Variants in ANK2 observed in about 807,000 individuals in gnomAD.
ANK2 encodes ankyrin 2, also known as ankyrin-2.
In ANK2, 83 loss-of-function variants were observed where a neutral mutation model predicts 360.5. The observed-to-expected ratio is 0.23, with a 90% CI of 0.19 to 0.28. ANK2 has a LOEUF of 0.28. ANK2 is among the 10% of genes least tolerant of loss of function. The pLI is 1.00. For missense variants in ANK2, 4,201 were observed against 4,795.7 expected (o/e 0.88, Z 3.66); for synonymous variants, 1,740 against 1,759.5 (o/e 0.99, Z 0.28).
chr4:113,105,337 T>C (rs1452452926), intron 1 of ANK2, among the ~76,000 whole-genome samples: 1 of 151,974 alleles, frequency 6.6e-6, no homozygotes, highest in Non-Finnish European at 1.5e-5. Flanking sequence ...TATCAAGTGG[T>C]GAGGATAGGA....
intron 1 of ANK2, among the ~76,000 whole-genome samples, chr4:112,832,496 A>G (rs924007727): frequency 1.3e-5 from 2 of 152,244 alleles, no homozygotes; most frequent in African/African-American, 4.8e-5. Context: ...TTGTTTCTTC[A>G]TATTGTATAC....
At chr4:113,188,369 C>T (rs959280708) in intron 2 of ANK2, among the ~76,000 whole-genome samples, 1 of 152,118 alleles carries the variant, frequency 6.6e-6, no homozygotes, top group Non-Finnish European at 1.5e-5. Context: ...CTTAAGCATC[C>T]ACTCTGCTTT....
chr4:113,183,945 A>C (rs1052233221), intron 2 of ANK2, among the ~76,000 whole-genome samples: 1 of 150,072 alleles, frequency 6.7e-6, no homozygotes, highest in African/African-American at 2.5e-5. Flanking sequence ...GAGGAAGAAA[A>C]ATAGTTTAAA....
chr4:113,310,681 G>A (rs1391138044), intron 23 of ANK2, among the ~76,000 whole-genome samples: 1 of 152,086 alleles, frequency 6.6e-6, no homozygotes, highest in Non-Finnish European at 1.5e-5. Flanking sequence ...CCTCCCAAAG[G>A]GTTGGGATTA....
intron 2 of ANK2, among the ~76,000 whole-genome samples, chr4:113,193,789 TTCTC>T (rs1381346511): frequency 1.3e-5 from 2 of 152,334 alleles, no homozygotes; most frequent in African/African-American, 2.4e-5. Flanking sequence ...TGTGCCCATT[TTCTC>T]TCTATCTCTT....
At chr4:113,341,487 T>C (rs1299904339) in intron 32 of ANK2, among the ~76,000 whole-genome samples, 1 of 152,180 alleles carries the variant, frequency 6.6e-6, no homozygotes, top group Non-Finnish European at 1.5e-5. Flanking sequence ...TCCCTTCTGC[T>C]TTCCCTTCTT....
the ANK2 span, among the ~76,000 whole-genome samples, chr4:112,749,585 A>C: frequency 1.3e-5 from 2 of 152,144 alleles, no homozygotes; most frequent in African/African-American, 4.8e-5. Flanking sequence ...TCTCCTACTG[A>C]ATAGTTACTG....
rs1243070168 is a variant in ANK2 at position 113,027,929 on chromosome 4, C to T, written c.21+123415C>T. 5.9e-5 allele frequency among the ~76,000 whole-genome samples: 9 copies of T among 151,916 alleles called. No individual in the cohort carries two copies. In the South Asian group the frequency reaches 8.3e-4, roughly 14 times the overall value. ...TAACATGGTGACATAATTTTGTTTA[C>T]GTTAAAAATAGCAAAATAAGATGGT... is the stretch of plus-strand genomic sequence containing the variant. On this transcript the variant is annotated intron_variant, in intron 2 of 30. Transcript: ENST00000503271.
intron 1 of ANK2, among the ~76,000 whole-genome samples, chr4:112,819,326 A>T (rs922349803): frequency 6.6e-6 from 1 of 152,196 alleles, no homozygotes; most frequent in Non-Finnish European, 1.5e-5. Flanking sequence ...TAGGCAAATA[A>T]TTAGGCTATG....
At position 113,269,414 on chromosome 4, in the gene ANK2, G is replaced by A. The variant is rs563010741; in HGVS notation, c.1485+4419G>A. On this transcript the variant is annotated intron_variant, in intron 14 of 45. Transcript: ENST00000357077. ...CAGGGCCCTGGTGATGTAGGCACCC[G>A]AGGGAACCTCCTGGTCTGCAGGTTG... Among the ~76,000 whole-genome samples the A allele has an allele frequency of 2.0e-5, 3 of 152,364 alleles. No homozygotes were observed. In the East Asian group the frequency reaches 5.8e-4, roughly 29 times the overall value.
intron 2 of ANK2, among the ~76,000 whole-genome samples, chr4:112,919,576 A>T (rs1440984309): frequency 6.6e-6 from 1 of 152,134 alleles, no homozygotes; most frequent in Non-Finnish European, 1.5e-5. Flanking sequence ...AACTTTCAAT[A>T]TTCTCTTTAT....
intron 2 of ANK2, among the ~76,000 whole-genome samples, chr4:112,943,864 C>A (rs1031239414): frequency 2.0e-5 from 3 of 152,060 alleles, no homozygotes; most frequent in African/African-American, 7.2e-5. Flanking sequence ...TATCTTCTGG[C>A]ACTCTTGTTA....
rs544146540 is a variant in ANK2, at chr4:113,151,803, C to T, written c.85-22613C>T. 2.6e-5 allele frequency among the ~76,000 whole-genome samples: 4 copies of T among 151,662 alleles called. No individual in the cohort carries two copies. The East Asian group carries it at 7.7e-4, about 29-fold the overall frequency. ...AAGGTAGGCTGGGCACCATGGCTCACACCTGTAATCTCAGCACTTTGGGAG... is the reference window on the plus strand; with the variant it reads ...AAGGTAGGCTGGGCACCATGGCTCATACCTGTAATCTCAGCACTTTGGGAG... On this transcript the variant is annotated intron_variant, in intron 1 of 45. Coordinates refer to ENST00000357077, the MANE Select transcript of ANK2 (RefSeq NM_001148.6).
chr4:113,264,705 A>G (rs1174774087), intron 13 of ANK2, among the ~76,000 whole-genome samples, 192 bp from the exon 14 acceptor site: 1 of 138,276 alleles, frequency 7.2e-6, no homozygotes, highest in African/African-American at 2.7e-5. Context: ...CTGAGCAACA[A>G]GAGTGAAACT....
At chr4:113,266,776 C>T (rs2056279040) in intron 14 of ANK2, among the ~76,000 whole-genome samples, 1 of 152,150 alleles carries the variant, frequency 6.6e-6, no homozygotes, top group South Asian at 2.1e-4. Context: ...GCTCAGGTGG[C>T]TGAGGCAGGA....
At chr4:112,957,701 C>G (rs2030661371) in intron 2 of ANK2, among the ~76,000 whole-genome samples, 1 of 150,694 alleles carries the variant, frequency 6.6e-6, no homozygotes, top group South Asian at 2.1e-4. Context: ...GGCTGACCCC[C>G]CCACCTCCCT....
chr4:113,199,395 C>G (rs530356368), intron 4 of ANK2, among the ~76,000 whole-genome samples: 14 of 152,154 alleles, frequency 9.2e-5, no homozygotes, highest in Admixed American at 9.2e-4. Context: ...ACAGTGACAT[C>G]TGTGAAATAT....
At chr4:113,369,204 TATAAA>T (rs1410953165) in intron 42 of ANK2, among the ~76,000 whole-genome samples, 4 of 152,218 alleles carry the variant, frequency 2.6e-5, no homozygotes, top group Admixed American at 2.6e-4. Context: ...CACCTTGAGT[TATAAA>T]AGAAAAGATG....
At chr4:113,046,303 A>G (rs1250049795), upstream of ANK2, among the ~76,000 whole-genome samples, 2 of 152,196 alleles carry the variant, frequency 1.3e-5, no homozygotes, top group Non-Finnish European at 2.9e-5. Flanking sequence ...GTTATACTGT[A>G]TAGCATTTGG....
Sources: allele counts gnomAD v4.1 joint callset (sites outside exome capture counted in the v4.1 genomes callset), GRCh38; gene constraint gnomAD v4.1.1; transcripts MANE v1.5; gene names NCBI Gene and HGNC (gene_info 2026-07-23, HGNC 2026-07-21).